Variants in SPOCK2 observed in about 807,000 individuals in gnomAD.
SPOCK2 encodes the protein testican-2.
Under a neutral mutation model 60.1 loss-of-function variants are expected in SPOCK2, and 39 were observed. The ratio of observed to expected loss-of-function variants is 0.65; its 90% CI spans 0.50 to 0.85. The LOEUF (loss-of-function observed/expected upper bound fraction) is 0.85. Among genes scored for constraint, SPOCK2 ranks in the 40% least tolerant of loss-of-function variants. The probability of loss-of-function intolerance (pLI) is 0.00; values close to 1 mark genes in which losing one functional copy is unlikely to be tolerated. For missense variants in SPOCK2, 523 were observed against 567.4 expected (o/e 0.92, Z 0.80); for synonymous variants, 217 against 231.5 (o/e 0.94, Z 0.57).
At position 72,087,113 on chromosome 10, in the gene SPOCK2, C is replaced by CA; in HGVS notation, c.189+1026dup. ...CTCTGGCGCATCCGGGCCCATCCCC[C>CA]ACAGCACCCCCAACGATCTCGGGGT... On this transcript the variant is annotated intron_variant, in intron 1 of 10. Transcript: ENST00000373109. This position sits in a 1 kb window ranked among gnomAD's most constrained non-coding sequence, Gnocchi z 4.7. 1 of 1,070,682 alleles carries CA rather than the reference C, an allele frequency of 9.3e-7. No individual in the cohort carries two copies. The highest frequency in any genetic ancestry group is 1.6e-5 in the South Asian group (1 of 61,040). 66.3% of individuals were successfully genotyped at this position (1,070,682 alleles called of 1,614,324 possible).
rs1013571650 is a variant in SPOCK2 at position 72,087,104 on chromosome 10, C to G, written c.189+1036G>C. On this transcript the variant is annotated intron_variant, in intron 1 of 10. Coordinates refer to ENST00000373109, the MANE Select transcript of SPOCK2 (RefSeq NM_001244950.2). This position sits in a 1 kb window ranked among gnomAD's most constrained non-coding sequence, Gnocchi z 4.7. ...CGGCGTCGCCTCTGGCGCATCCGGGCCCATCCCCCACAGCACCCCCAACGA... is the reference window on the plus strand; with the variant it reads ...CGGCGTCGCCTCTGGCGCATCCGGGGCCATCCCCCACAGCACCCCCAACGA... 1.1e-5 allele frequency: 13 copies of G among 1,204,804 alleles called. No homozygotes were observed. Among genetic ancestry groups the G allele is most frequent in the Non-Finnish European group, 1.5e-5 (13 of 875,122 alleles). 74.6% of individuals were successfully genotyped at this position (1,204,804 alleles called of 1,614,324 possible). A position where few individuals can be genotyped will look rare whatever the true frequency, so the allele number is the denominator to read the frequency against.
At chr10:72,075,387 C>G (rs1032833078) in intron 1 of SPOCK2, among the ~76,000 whole-genome samples, 4 of 151,950 alleles carry the variant, frequency 2.6e-5, no homozygotes, top group Non-Finnish European at 1.5e-5. Context: ...ATCTGTGTGC[C>G]CATAACCCAC....
At chr10:72,078,951 C>A (rs1429139141) in intron 1 of SPOCK2, among the ~76,000 whole-genome samples, 1 of 152,234 alleles carries the variant, frequency 6.6e-6, no homozygotes, top group East Asian at 1.9e-4. Context: ...CTATGCCCAA[C>A]ATCTAGTACC....
At chr10:72,086,266 G>A (rs1475191863) in intron 1 of SPOCK2, 3 of 987,090 alleles carry the variant, frequency 3.0e-6, no homozygotes, top group Non-Finnish European at 2.4e-6. Flanking sequence ...TGAGAGGAAG[G>A]GGGAAGTGGT....
At position 72,072,221 on chromosome 10, in the gene SPOCK2, C is replaced by T. The variant is rs959917086; in HGVS notation, c.282G>A (p.Lys94=). ...DTTKDPCQKV[K]CSRHKVCIAQ... ...CAATGCACACCTTGTGGCGGCTGCA[C>T]TTCACCTTCTGGCAGGGGTCCTTGG... is the stretch of plus-strand genomic sequence containing the variant. Residue 94 remains lysine (K), a synonymous_variant, in exon 4 of 11, where the codon AAG becomes AAA. Coordinates refer to ENST00000373109, the MANE Select transcript of SPOCK2 (RefSeq NM_001244950.2). 1.9e-6 allele frequency: 3 copies of T among 1,548,798 alleles called. No homozygotes were observed. Among genetic ancestry groups the T allele is most frequent in the Non-Finnish European group, 2.6e-6 (3 of 1,146,302 alleles).
intron 1 of SPOCK2, among the ~76,000 whole-genome samples, chr10:72,081,939 C>T (rs1389320177): frequency 6.6e-6 from 1 of 152,106 alleles, no homozygotes; most frequent in Non-Finnish European, 1.5e-5. Flanking sequence ...ACAGTGCACA[C>T]GTTTACATTG....
intron 1 of SPOCK2, among the ~76,000 whole-genome samples, chr10:72,083,710 C>T (rs532507601): frequency 6.6e-6 from 1 of 152,314 alleles, no homozygotes; most frequent in East Asian, 1.9e-4. Flanking sequence ...TGCTCCAGCT[C>T]CAGTTAGAAG....
intron 5 of SPOCK2, 90 bp downstream of exon 5, chr10:72,070,222 C>A: frequency 1.5e-6 from 2 of 1,309,672 alleles, no homozygotes; most frequent in Non-Finnish European, 2.1e-6. Flanking sequence ...CCTGGAAACC[C>A]CTCCGGAGGC....
At chr10:72,066,865 G>T (rs376408859) in intron 8 of SPOCK2, 37 bp downstream of exon 8, 3 of 1,611,128 alleles carry the variant, frequency 1.9e-6, no homozygotes, top group Non-Finnish European at 2.5e-6. Flanking sequence ...GAGCCCACAC[G>T]GGTGAGGCAG....
At chr10:72,069,662 T>C (rs916748262) in intron 5 of SPOCK2, among the ~76,000 whole-genome samples, 1 of 152,062 alleles carries the variant, frequency 6.6e-6, no homozygotes, top group South Asian at 2.1e-4. Context: ...CTCACTATGT[T>C]ACCCAGGCTG....
At chr10:72,067,754 T>A (rs749823557) in intron 6 of SPOCK2, 22 bp from the exon 7 acceptor site, 1 of 1,610,092 alleles carries the variant, frequency 6.2e-7, no homozygotes. Flanking sequence ...AGAGAAGGCA[T>A]GGAGGGCGAA....
At position 72,087,048 on chromosome 10, in the gene SPOCK2, C is replaced by T; in HGVS notation, c.189+1092G>A. ...TAGAAGAGGTTTTCTGGGGTCAGGGCCGCGGTGAGCACCAGGTCGCCAGGA... is the reference window on the plus strand; with the variant it reads ...TAGAAGAGGTTTTCTGGGGTCAGGGTCGCGGTGAGCACCAGGTCGCCAGGA... On this transcript the variant is annotated intron_variant, in intron 1 of 10. Transcript: ENST00000373109. This position sits in a 1 kb window ranked among gnomAD's most constrained non-coding sequence, Gnocchi z 4.7. 5 of 1,530,204 alleles carry T rather than the reference C, an allele frequency of 3.3e-6. No individual in the cohort carries two copies. The highest frequency in any genetic ancestry group is 4.4e-6 in the Non-Finnish European group (5 of 1,135,852). The allele number at this position is 1,530,204 out of a possible 1,614,324, so 94.8% of individuals were successfully genotyped here. A position where few individuals can be genotyped will look rare whatever the true frequency, so the allele number is the denominator to read the frequency against.
chr10:72,077,021 C>T (rs1330785727), intron 1 of SPOCK2, among the ~76,000 whole-genome samples: 2 of 152,202 alleles, frequency 1.3e-5, no homozygotes, highest in Non-Finnish European at 2.9e-5. Flanking sequence ...ACCAGGAGTC[C>T]ACTTTCAGCC....
intron 7 of SPOCK2, 97 bp from the exon 8 acceptor site, chr10:72,067,217 T>C: frequency 7.9e-7 from 1 of 1,273,810 alleles, no homozygotes. Flanking sequence ...CAGCCCTCTA[T>C]TCTGGGTCTG....
At chr10:72,066,792 G>A in intron 8 of SPOCK2, 110 bp downstream of exon 8, 2 of 1,255,594 alleles carry the variant, frequency 1.6e-6, no homozygotes, top group Admixed American at 3.7e-5. Context: ...AAAGTGCTGG[G>A]CCTGGGGACG....
At chr10:72,083,107 G>A (rs1400787100) in intron 1 of SPOCK2, among the ~76,000 whole-genome samples, 1 of 152,224 alleles carries the variant, frequency 6.6e-6, no homozygotes, top group Non-Finnish European at 1.5e-5. Flanking sequence ...TCAGCCTGGT[G>A]CTTGCCCCAA....
chr10:72,088,532 G>A lies in SPOCK2; in HGVS notation c.-204C>T, dbSNP rs1453023112. 4 of 570,864 alleles carry A rather than the reference G, an allele frequency of 7.0e-6. No individual in the cohort carries two copies. The highest frequency in any genetic ancestry group is 3.9e-5 in the African/African-American group (2 of 51,266). 35.4% of individuals were successfully genotyped at this position (570,864 alleles called of 1,614,324 possible). On this transcript the variant is annotated 5_prime_UTR_variant, in exon 1 of 11. Coordinates refer to ENST00000373109, the MANE Select transcript of SPOCK2 (RefSeq NM_001244950.2). ...TGTCTGAAAAAGCCCAGCACTGGAC[G>A]CGGAGAGGGAGAGAGAATCAGAGAG... is the stretch of plus-strand genomic sequence containing the variant.
chr10:72,066,022 A>G (rs1018246388), intron 8 of SPOCK2, among the ~76,000 whole-genome samples: 4 of 152,156 alleles, frequency 2.6e-5, no homozygotes, highest in Admixed American at 6.5e-5. Flanking sequence ...AGAAGCATCC[A>G]GTGAGGAACA....
At chr10:72,082,853 C>CAAAAAAA (rs770751183) in intron 1 of SPOCK2, among the ~76,000 whole-genome samples, 10 of 45,992 alleles carry the variant, frequency 2.2e-4, no homozygotes, top group Non-Finnish European at 3.4e-4. Flanking sequence ...GACCCTGTCT[C>CAAAAAAA]AAAAAAAAAA....
Sources: gnomAD v4.1 joint callset for allele counts (sites outside exome capture counted in the v4.1 genomes callset) on GRCh38, gnomAD v4.1.1 for gene constraint, Gnocchi (gnomAD v3.1) non-coding constraint, MANE v1.5 for transcripts, NCBI Gene and HGNC (gene_info 2026-07-23, HGNC 2026-07-21) for gene names.